Variants in THSD7A observed in about 807,000 individuals in gnomAD.
The protein encoded by THSD7A is thrombospondin type 1 domain containing 7A, also known as thrombospondin type-1 domain-containing protein 7A.
Under a neutral mutation model 231.3 loss-of-function variants are expected in THSD7A, and 96 were observed. That is an observed-to-expected ratio of 0.41 (90% CI 0.35 to 0.49). THSD7A has a LOEUF of 0.49. Ranked by LOEUF, THSD7A falls within the 20% of genes least tolerant of loss-of-function variation. THSD7A has a pLI of 0.05. For synonymous variants in THSD7A, 940 were observed against 743.3 expected, an observed-to-expected ratio of 1.26 and a Z score of -4.30; for missense variants, 2,290 against 2,070.2, an observed-to-expected ratio of 1.11 and a Z score of -2.06.
At chr7:11,750,389 T>C (rs1782458876) in intron 1 of THSD7A, among the ~76,000 whole-genome samples, 1 of 151,930 alleles carries the variant, frequency 6.6e-6, no homozygotes, top group Non-Finnish European at 1.5e-5. Flanking sequence ...ATTAGTGTAA[T>C]CATCATGTGA....
chr7:11,731,651 A>T (rs893003780), intron 1 of THSD7A, among the ~76,000 whole-genome samples: 7 of 151,750 alleles, frequency 4.6e-5, no homozygotes, highest in Non-Finnish European at 7.4e-5. Flanking sequence ...GATCTAAATA[A>T]ATAATGCAAG....
chr7:11,683,192 A>G (rs1764591662), intron 1 of THSD7A, among the ~76,000 whole-genome samples: 1 of 152,002 alleles, frequency 6.6e-6, no homozygotes, highest in Non-Finnish European at 1.5e-5. Context: ...ATAGAAATCA[A>G]TATCATCAGG....
chr7:11,745,350 G>A (rs1036339423), intron 1 of THSD7A, among the ~76,000 whole-genome samples: 32 of 151,966 alleles, frequency 2.1e-4, no homozygotes, highest in Non-Finnish European at 4.3e-4. Flanking sequence ...TTAGCCCTTA[G>A]TCAGATGAGT....
rs116997525 is a variant in THSD7A at position 11,470,254 on chromosome 7, A to C, written c.2253-260T>G. Among the ~76,000 whole-genome samples the C allele has an allele frequency of 6.0e-3, 915 of 152,166 alleles. 25 individuals are homozygous for C. The East Asian group carries it at 0.077, about 13-fold the overall frequency. ...ATAATGCTATTTAGAAACAAATATA[A>C]CACTTATACCTTATCCTCTTATAAT... On this transcript the variant is annotated intron_variant, in intron 8 of 27. Coordinates refer to ENST00000423059, the MANE Select transcript of THSD7A (RefSeq NM_015204.3).
At chr7:11,627,362 T>C (rs574322646) in intron 2 of THSD7A, among the ~76,000 whole-genome samples, 1 of 152,164 alleles carries the variant, frequency 6.6e-6, no homozygotes, top group African/African-American at 2.4e-5. Flanking sequence ...TATGTGTTGG[T>C]ATATAGCCTT....
At chr7:11,811,492 A>G (rs1230033982) in intron 1 of THSD7A, among the ~76,000 whole-genome samples, 2 of 152,200 alleles carry the variant, frequency 1.3e-5, no homozygotes, top group Non-Finnish European at 2.9e-5. Context: ...CTAGTGGTAA[A>G]AGAAACCTAC....
At chr7:11,828,080 C>T (rs1189340056) in intron 1 of THSD7A, among the ~76,000 whole-genome samples, 2 of 152,184 alleles carry the variant, frequency 1.3e-5, no homozygotes, top group Admixed American at 6.6e-5. Flanking sequence ...ACGTCACTGG[C>T]CTTCCAGCTT....
At chr7:11,674,351 T>C (rs1385518146) in intron 1 of THSD7A, among the ~76,000 whole-genome samples, 1 of 152,024 alleles carries the variant, frequency 6.6e-6, no homozygotes, top group Non-Finnish European at 1.5e-5. Flanking sequence ...TTCTCGCAGT[T>C]CTCCAGACAC....
Position 11,401,955 on chromosome 7 carries a change from CA to C in THSD7A, c.4250del (p.Leu1417Ter). The C allele has an allele frequency of 1.9e-6, 3 of 1,612,758 alleles. No individual in the cohort carries two copies. The highest frequency in any genetic ancestry group is 2.5e-6 in the Non-Finnish European group (3 of 1,179,476). ...ACAGGCTCCAGGAAGACCAGTCCTT[CA>C]AATAACAGTCACCTGTAAAACACAT... ...CSQPCPGDCY[L>X]KDWSSWSLCQ... On this transcript the variant is annotated frameshift_variant, in exon 23 of 28. Coordinates refer to ENST00000423059, the MANE Select transcript of THSD7A (RefSeq NM_015204.3). LOFTEE classifies it high-confidence loss of function.
intron 1 of THSD7A, among the ~76,000 whole-genome samples, chr7:11,770,472 T>G (rs548762089): frequency 7.6e-4 from 116 of 152,258 alleles, no homozygotes; most frequent in African/African-American, 2.6e-3. Context: ...AGAGCAAGGT[T>G]AATTCTGACA....
At chr7:11,786,666 T>G (rs1472023289) in intron 1 of THSD7A, among the ~76,000 whole-genome samples, 1 of 149,838 alleles carries the variant, frequency 6.7e-6, no homozygotes, top group Non-Finnish European at 1.5e-5. Flanking sequence ...ACAAACCATT[T>G]GAAAACTAGC....
Position 11,634,430 on chromosome 7 carries a change from A to G in THSD7A, c.1022+1700T>C, listed in dbSNP as rs1781761769. ...CCCAGTGATAGCAGGAAACAACTCA[A>G]CTTGTCTTGGAGACTCATTCAATTA... On this transcript the variant is annotated intron_variant, in intron 2 of 27. Coordinates refer to ENST00000423059, the MANE Select transcript of THSD7A (RefSeq NM_015204.3). This position sits in a 1 kb window ranked among gnomAD's most constrained non-coding sequence, Gnocchi z 4.1. 6.6e-6 allele frequency among the ~76,000 whole-genome samples: 1 copy of G among 152,190 alleles called. No homozygotes were observed. Among genetic ancestry groups the G allele is most frequent in the Non-Finnish European group, 1.5e-5 (1 of 68,022 alleles).
chr7:11,509,773 G>T (rs1444978750), intron 6 of THSD7A, among the ~76,000 whole-genome samples: 3 of 128,878 alleles, frequency 2.3e-5, no homozygotes, highest in Non-Finnish European at 3.2e-5. Context: ...AGTGAGCCGA[G>T]ATCAGGCCAC....
chr7:11,453,360 C>A (rs779757049), intron 11 of THSD7A, among the ~76,000 whole-genome samples: 10 of 145,288 alleles, frequency 6.9e-5, no homozygotes, highest in Non-Finnish European at 1.1e-4. Context: ...CTTTTGTAAT[C>A]TTTTTAAACC....
intron 1 of THSD7A, among the ~76,000 whole-genome samples, chr7:11,722,525 G>C (rs188187444): frequency 1.3e-5 from 2 of 151,910 alleles, no homozygotes; most frequent in Admixed American, 6.6e-5. Flanking sequence ...CCCCCACCCA[G>C]AGGCTGACTT....
At chr7:11,770,750 A>C (rs1181727591) in intron 1 of THSD7A, among the ~76,000 whole-genome samples, 1 of 152,172 alleles carries the variant, frequency 6.6e-6, no homozygotes, top group Non-Finnish European at 1.5e-5. Flanking sequence ...TGCTAAAGTA[A>C]GGTCAATATT....
At chr7:11,627,714 A>C (rs930654635) in intron 2 of THSD7A, among the ~76,000 whole-genome samples, 3 of 152,136 alleles carry the variant, frequency 2.0e-5, no homozygotes, top group Non-Finnish European at 4.4e-5. Flanking sequence ...AACAAAATAG[A>C]AGTCAAGTTA....
At chr7:11,817,338 A>G (rs1271356645) in intron 1 of THSD7A, among the ~76,000 whole-genome samples, 1 of 152,190 alleles carries the variant, frequency 6.6e-6, no homozygotes, top group Admixed American at 6.6e-5. Context: ...AGAGACTCCA[A>G]CCTCCAGCAT....
intron 13 of THSD7A, among the ~76,000 whole-genome samples, chr7:11,443,307 T>C (rs533034586): frequency 4.6e-5 from 7 of 152,222 alleles, no homozygotes; most frequent in African/African-American, 1.7e-4. Context: ...ATTTTATATT[T>C]TAATGGCTAA....
Sources: allele counts gnomAD v4.1 joint callset (sites outside exome capture counted in the v4.1 genomes callset), GRCh38; gene constraint gnomAD v4.1.1; non-coding constraint Gnocchi (gnomAD v3.1); transcripts MANE v1.5; gene names NCBI Gene and HGNC (gene_info 2026-07-23, HGNC 2026-07-21).